The following DUSP22 variants were observed in gnomAD, a reference collection of about 807,000 sequenced individuals.
DUSP22 encodes dual specificity phosphatase 22.
A neutral mutation model predicts 24.5 loss-of-function variants in DUSP22; 24 were observed. That is an observed-to-expected ratio of 0.98 (90% CI 0.71 to 1.38). The LOEUF is 1.38. Ranked by LOEUF, DUSP22 falls within the 40% of genes most tolerant of loss-of-function variation. The pLI is 0.00. For missense variants in DUSP22, 330 were observed against 269.2 expected, an observed-to-expected ratio of 1.23 and a Z score of -1.58; for synonymous variants, 160 against 106.4, an observed-to-expected ratio of 1.50 and a Z score of -3.10.
chr6:312,982 T>TG (rs1758177090), intron 3 of DUSP22, among the ~76,000 whole-genome samples: 2 of 151,900 alleles, frequency 1.3e-5, no homozygotes, highest in Non-Finnish European at 2.9e-5. Flanking sequence ...TTTTTTTTTT[T>TG]GCTAAGGTGC....
At chr6:308,888 G>T (rs552009337) in intron 2 of DUSP22, among the ~76,000 whole-genome samples, 278 of 152,324 alleles carry the variant, frequency 1.8e-3, no homozygotes, top group Admixed American at 4.7e-3. Context: ...GGAGGAGCCA[G>T]GTGGGTGGGT....
At position 323,240 on chromosome 6, in the gene DUSP22, A is replaced by ATGTGTGTGTGTGTGTG. The variant is rs5873739; in HGVS notation, c.138+11286_138+11301dup. Among the ~76,000 whole-genome samples the ATGTGTGTGTGTGTGTG allele has an allele frequency of 2.0e-5, 3 of 151,598 alleles. No homozygotes were observed. In the East Asian group the frequency reaches 5.8e-4, roughly 29 times the overall value. On this transcript the variant is annotated intron_variant, in intron 3 of 6. Transcript: ENST00000419235. ...TGGGATGTTTTAAAGGCGTGTGTGC[A>ATGTGTGTGTGTGTGTG]TGTGTGTGTGTGTGTGTGTGTGTTG...
Position 348,920 on chromosome 6 carries a change from T to C in DUSP22, c.587T>C (p.Leu196Pro), listed in dbSNP as rs1760027212. Reference protein sequence around the residue: ...RWSSFPALAPLTYDNYTTET With the variant: ...RWSSFPALAPPTYDNYTTET Reference sequence around the variant, plus strand: ...AGCAGTTTTCCGGCACTGGCTCCGCTGACCTACGATAATTATACGACGGAG... The same window carrying C: ...AGCAGTTTTCCGGCACTGGCTCCGCCGACCTACGATAATTATACGACGGAG... The change falls in exon 7 of 7, where the codon CTG (leucine) becomes CCG (proline). Residue 196 changes from leucine to proline, a missense_variant. Physicochemically the swap from Leu to Pro is moderately conservative, Grantham distance 98 (BLOSUM62 -3). Transcript: ENST00000419235. The C allele has an allele frequency of 6.2e-7, 1 of 1,611,370 alleles. No homozygotes were observed. The highest frequency in any genetic ancestry group is 1.1e-5 in the South Asian group (1 of 90,922).
chr6:312,078 C>T, intron 3 of DUSP22, 116 bp downstream of exon 3: 1 of 1,124,514 alleles, frequency 8.9e-7, no homozygotes, highest in African/African-American at 1.6e-5. Flanking sequence ...CCTGTGATCT[C>T]TGGCGGCATT....
chr6:293,797 C>CTTTTTT (rs11436850), intron 1 of DUSP22, among the ~76,000 whole-genome samples: 8 of 123,680 alleles, frequency 6.5e-5, no homozygotes, highest in African/African-American at 1.8e-4. Context: ...ATTGTATTCA[C>CTTTTTT]TTTTTTTTTT....
intron 3 of DUSP22, chr6:325,767 G>C (rs1758836451): frequency 4.4e-5 from 11 of 249,980 alleles, no homozygotes; most frequent in South Asian, 1.2e-4. Context: ...CATCTGCCCT[G>C]GGCTTCTGCG....
chr6:351,049 A>G lies in DUSP22; in HGVS notation c.*2098A>G, dbSNP rs541725078. On this transcript the variant is annotated 3_prime_UTR_variant, in exon 7 of 7. Transcript: ENST00000419235. Reference sequence around the variant, plus strand: ...CTAAGGATATTCTTTAGCAAGAGAAAATATTTTCCCCTTATCCCCACTGCT... The same window carrying G: ...CTAAGGATATTCTTTAGCAAGAGAAGATATTTTCCCCTTATCCCCACTGCT... 3 of 979,286 alleles carry G rather than the reference A, an allele frequency of 3.1e-6. No homozygotes were observed. The East Asian group carries it at 8.0e-5, about 26-fold the overall frequency. The allele number at this position is 979,286 out of a possible 1,614,324, so 60.7% of individuals were successfully genotyped here. A position where few individuals can be genotyped will look rare whatever the true frequency, so the allele number is the denominator to read the frequency against.
chr6:294,448 G>T (rs1189114172), intron 1 of DUSP22, among the ~76,000 whole-genome samples: 2 of 152,272 alleles, frequency 1.3e-5, no homozygotes, highest in Non-Finnish European at 1.5e-5. Flanking sequence ...AATATGATGC[G>T]AGCTATATAT....
intron 4 of DUSP22, among the ~76,000 whole-genome samples, chr6:338,245 T>G (rs911065845): frequency 1.4e-4 from 22 of 152,306 alleles, no homozygotes; most frequent in Non-Finnish European, 2.4e-4. Flanking sequence ...ACTAAAGTTA[T>G]GTGGAAATGG....
chr6:320,772 G>T (rs1468254865), intron 3 of DUSP22, among the ~76,000 whole-genome samples: 5 of 152,286 alleles, frequency 3.3e-5, no homozygotes, highest in Non-Finnish European at 7.3e-5. Context: ...CAGGGAGGGG[G>T]AGATGAGCCC....
In DUSP22 at chr6:348,807, T is replaced by G. The variant is rs956207829; in HGVS notation, c.474T>G (p.Pro158=). 11 of 1,614,192 alleles carry G rather than the reference T, an allele frequency of 6.8e-6. No homozygotes were observed. Among genetic ancestry groups the G allele is most frequent in the Middle Eastern group, 1.6e-4 (1 of 6,084 alleles). ...TGAAGGAAGAATATGGAGAGAGCCC[T>G]TTGCAGGATGCAGAAGAAGCCAAAA... ...QWLKEEYGES[P]LQDAEEAKNI... is the part of the protein sequence containing the mutation. The change falls in exon 7 of 7, where the codon CCT becomes CCG. Residue 158 remains proline (P), a synonymous_variant. Coordinates refer to ENST00000419235, the MANE Select transcript of DUSP22 (RefSeq NM_001286555.3).
rs757318108 is a variant in DUSP22, at chr6:348,826, G to A, written c.493G>A (p.Ala165Thr). The A allele has an allele frequency of 1.9e-6, 3 of 1,614,196 alleles. No homozygotes were observed. Among genetic ancestry groups the A allele is most frequent in the Non-Finnish European group, 2.5e-6 (3 of 1,180,066 alleles). The change falls in exon 7 of 7, where the codon GCC (alanine) becomes ACC (threonine). Residue 165 changes from alanine (A) to threonine (T), a missense_variant. By Grantham distance (58) the Ala-to-Thr change is moderately conservative. Coordinates refer to ENST00000419235, the MANE Select transcript of DUSP22 (RefSeq NM_001286555.3). ...GAGCCCTTTGCAGGATGCAGAAGAA[G>A]CCAAAAACATTCTGGGTAAATATAA... The part of the protein sequence containing the change: ...GESPLQDAEE[A>T]KNILGKYKEQ...
At chr6:293,189 T>C (rs1430418115) in intron 1 of DUSP22, among the ~76,000 whole-genome samples, 1 of 152,280 alleles carries the variant, frequency 6.6e-6, no homozygotes, top group South Asian at 2.1e-4. Context: ...TTCTGGAAAA[T>C]CTGTGTTGCT....
At chr6:329,743 T>C (rs768466331) in intron 3 of DUSP22, among the ~76,000 whole-genome samples, 1 of 152,308 alleles carries the variant, frequency 6.6e-6, no homozygotes, top group Admixed American at 6.5e-5. Flanking sequence ...TGAGCCACCA[T>C]GCCCAGCCTA....
chr6:325,005 G>A (rs557441362), intron 3 of DUSP22, among the ~76,000 whole-genome samples: 9 of 152,424 alleles, frequency 5.9e-5, no homozygotes, highest in Admixed American at 4.6e-4. Flanking sequence ...GCTGGCTCAG[G>A]GAGATAGGTA....
In DUSP22 at chr6:306,999, T is replaced by G. The variant is rs556482016; in HGVS notation, c.55+2338T>G. Among the ~76,000 whole-genome samples the G allele has an allele frequency of 3.8e-4, 58 of 152,406 alleles. No individual in the cohort carries two copies. The South Asian group carries it at 6.6e-3, about 17-fold the overall frequency. On this transcript the variant is annotated intron_variant, in intron 2 of 6. Coordinates refer to ENST00000419235, the MANE Select transcript of DUSP22 (RefSeq NM_001286555.3). ...GATAAATAAGCACCCACACACTCAC[T>G]GCTACTGCCATGGGAGCCCGATCGA...
At chr6:324,195 G>A (rs1031526378) in intron 3 of DUSP22, among the ~76,000 whole-genome samples, 12 of 152,308 alleles carry the variant, frequency 7.9e-5, no homozygotes, top group Admixed American at 1.3e-4. Context: ...CTTGGTGGCC[G>A]GAGCACTCTC....
intron 1 of DUSP22, among the ~76,000 whole-genome samples, chr6:294,323 T>C (rs182450746): frequency 2.0e-5 from 3 of 152,060 alleles, no homozygotes; most frequent in Non-Finnish European, 4.4e-5. Flanking sequence ...ATTATGTACA[T>C]ACTATGAGCC....
chr6:351,126 G>C lies in DUSP22; in HGVS notation c.*2175G>C. 1 of 571,608 alleles carries C rather than the reference G, an allele frequency of 1.7e-6. No individual in the cohort carries two copies. 35.4% of individuals were successfully genotyped at this position (571,608 alleles called of 1,614,324 possible). On this transcript the variant is annotated 3_prime_UTR_variant, in exon 7 of 7. Transcript: ENST00000419235. Reference sequence around the variant, plus strand: ...TGCCTGTAAGGATCCCGGGAGCCTTGCCGCACTGCCTTGTGGGTGGCTTGG... The same window carrying C: ...TGCCTGTAAGGATCCCGGGAGCCTTCCCGCACTGCCTTGTGGGTGGCTTGG...
Sources: gnomAD v4.1 joint callset for allele counts (sites outside exome capture counted in the v4.1 genomes callset) on GRCh38, gnomAD v4.1.1 for gene constraint, MANE v1.5 for transcripts, NCBI Gene and HGNC (gene_info 2026-07-23, HGNC 2026-07-21) for gene names.